Variants in CYB5R4 observed in about 807,000 individuals in gnomAD.
CYB5R4 encodes the protein N-terminal cytochrome b5 and cytochrome b5 oxidoreductase domain-containing protein.
In CYB5R4, 55 loss-of-function variants were observed where a neutral mutation model predicts 70.2. That is an observed-to-expected ratio of 0.78 (90% CI 0.63 to 0.98). The LOEUF (loss-of-function observed/expected upper bound fraction) is 0.98, where lower values mean the gene tolerates loss of function less well. CYB5R4 is among the 50% of genes least tolerant of loss of function. CYB5R4 has a pLI of 0.00. For missense variants in CYB5R4, 562 were observed against 612.6 expected, an observed-to-expected ratio of 0.92 and a Z score of 0.87; for synonymous variants, 197 against 199.5, an observed-to-expected ratio of 0.99 and a Z score of 0.11.
At chr6:83,866,356 G>A (rs1234639472) in intron 2 of CYB5R4, among the ~76,000 whole-genome samples, 1 of 152,032 alleles carries the variant, frequency 6.6e-6, no homozygotes, top group Non-Finnish European at 1.5e-5. Context: ...TTTGAATTTG[G>A]GATTTTTTCA....
At chr6:83,881,178 T>A (rs1562829184) in intron 2 of CYB5R4, among the ~76,000 whole-genome samples, 1 of 149,650 alleles carries the variant, frequency 6.7e-6, no homozygotes, top group East Asian at 2.0e-4. Flanking sequence ...TTTTTCTTTC[T>A]TTTTTTTTTC....
intron 3 of CYB5R4, among the ~76,000 whole-genome samples, chr6:83,907,458 C>T (rs1005322702): frequency 4.7e-5 from 7 of 148,958 alleles, no homozygotes; most frequent in Non-Finnish European, 8.8e-5. Flanking sequence ...TTATAAATGG[C>T]CCTTCATTTT....
chr6:83,860,171 C>G (rs2099455710), intron 1 of CYB5R4, among the ~76,000 whole-genome samples: 1 of 152,124 alleles, frequency 6.6e-6, no homozygotes, highest in South Asian at 2.1e-4. Flanking sequence ...GTATTATAGG[C>G]TCTCGGTATT....
intron 4 of CYB5R4, among the ~76,000 whole-genome samples, chr6:83,911,530 CAAGATAATTGTA>C (rs2099464678): frequency 6.6e-6 from 1 of 152,058 alleles, no homozygotes; most frequent in African/African-American, 2.4e-5. Flanking sequence ...AATGTAGCTA[CAAGATAATTGTA>C]AAACATTCAA....
intron 1 of CYB5R4, 51 bp from the exon 2 acceptor site, chr6:83,864,123 TG>T: frequency 6.9e-7 from 1 of 1,441,760 alleles, no homozygotes; most frequent in East Asian, 2.4e-5. Context: ...TCTTTTAAAA[TG>T]GAATTAAAAG....
intron 6 of CYB5R4, among the ~76,000 whole-genome samples, chr6:83,918,553 G>T (rs1388548299): frequency 6.6e-6 from 1 of 151,692 alleles, no homozygotes; most frequent in African/African-American, 2.4e-5. Flanking sequence ...ATTTTTCTCT[G>T]CATTCCATCA....
chr6:83,894,628 A>G (rs1050176483), intron 3 of CYB5R4, among the ~76,000 whole-genome samples: 2 of 152,200 alleles, frequency 1.3e-5, no homozygotes, highest in Non-Finnish European at 2.9e-5. Flanking sequence ...TTAACTACTA[A>G]CAGCCTACTG....
intron 10 of CYB5R4, among the ~76,000 whole-genome samples, chr6:83,925,567 G>T (rs1425374627): frequency 6.6e-6 from 1 of 152,118 alleles, no homozygotes; most frequent in African/African-American, 2.4e-5. Context: ...AACATATCCT[G>T]TATTTTCTCT....
Position 83,864,284 on chromosome 6 carries a change from T to C in CYB5R4, c.185T>C (p.Leu62Pro). The C allele has an allele frequency of 6.2e-7, 1 of 1,613,212 alleles. No individual in the cohort carries two copies. Among genetic ancestry groups the C allele is most frequent in the Non-Finnish European group, 8.5e-7 (1 of 1,179,572 alleles). The change falls in exon 2 of 16, where the codon CTT becomes CCT. Residue 62 changes from leucine (L) to proline (P), a missense_variant. Leu to Pro is a moderately conservative substitution (Grantham distance 98). Coordinates refer to ENST00000369681, the MANE Select transcript of CYB5R4 (RefSeq NM_016230.4). ...TTAATTGAAGTAACTGAAGAAGAAC[T>C]TAAGAAACACAACAAAAAAGATGAT... The part of the protein sequence containing the change: ...GRLIEVTEEE[L>P]KKHNKKDDCW...
rs1049990860 is a variant in CYB5R4, at chr6:83,920,994, G to C, written c.565-88G>C. 6 of 964,060 alleles carry C rather than the reference G, an allele frequency of 6.2e-6. No homozygotes were observed. In the African/African-American group the frequency reaches 1.0e-4, roughly 17 times the overall value. 59.7% of individuals were successfully genotyped at this position (964,060 alleles called of 1,614,324 possible). A position where few individuals can be genotyped will look rare whatever the true frequency, so the allele number is the denominator to read the frequency against. ...GTTCAATAAAGAAGCACCGTATGAA[G>C]TACCGCAGATCACCTTAAAAGTATA... On this transcript the variant is annotated intron_variant, in intron 7 of 15. Coordinates refer to ENST00000369681, the MANE Select transcript of CYB5R4 (RefSeq NM_016230.4).
At chr6:83,940,932 G>A (rs1464867884) in intron 14 of CYB5R4, among the ~76,000 whole-genome samples, 1 of 152,020 alleles carries the variant, frequency 6.6e-6, no homozygotes, top group Non-Finnish European at 1.5e-5. Flanking sequence ...GTTATACTGG[G>A]GCTGATAAAA....
chr6:83,897,554 C>A (rs2099462112), intron 3 of CYB5R4, among the ~76,000 whole-genome samples: 1 of 152,152 alleles, frequency 6.6e-6, no homozygotes, highest in South Asian at 2.1e-4. Flanking sequence ...CTCTCCAGCA[C>A]CTGTTGTTTC....
rs574712139 is a variant in CYB5R4, at chr6:83,944,681, C to G, written c.1346+4080C>G. Among the ~76,000 whole-genome samples the G allele has an allele frequency of 3.4e-4, 51 of 151,980 alleles. No individual in the cohort carries two copies. In the South Asian group the frequency reaches 0.011, roughly 32 times the overall value. On this transcript the variant is annotated intron_variant, in intron 14 of 15. Coordinates refer to ENST00000369681, the MANE Select transcript of CYB5R4 (RefSeq NM_016230.4). ...TCAAGACCCATCAGTGTGCCGTGTT[C>G]AGGAGACCCATCTCATGTACAAAGA...
chr6:83,956,787 G>A (rs996303861), intron 15 of CYB5R4, among the ~76,000 whole-genome samples: 4 of 152,012 alleles, frequency 2.6e-5, no homozygotes, highest in African/African-American at 7.2e-5. Context: ...TGTTATGCCA[G>A]AGTCAGGTTG....
intron 1 of CYB5R4, among the ~76,000 whole-genome samples, chr6:83,862,327 G>A (rs1336950355): frequency 3.3e-5 from 5 of 152,130 alleles, no homozygotes; most frequent in African/African-American, 1.2e-4. Context: ...CCATATGCTG[G>A]AGTTTTTGGT....
rs549495436 is a variant in CYB5R4, at chr6:83,864,781, C to T, written c.229+453C>T. Among the ~76,000 whole-genome samples, 33 of 152,268 alleles carry T rather than the reference C, an allele frequency of 2.2e-4. No homozygotes were observed. The South Asian group carries it at 6.4e-3, about 30-fold the overall frequency. On this transcript the variant is annotated intron_variant, in intron 2 of 15. Coordinates refer to ENST00000369681, the MANE Select transcript of CYB5R4 (RefSeq NM_016230.4). ...TTTTCACTTGCAGCAATTTTCATTACATGGTATATGTTTCTTAGCAATATT... is the reference window on the plus strand; with the variant it reads ...TTTTCACTTGCAGCAATTTTCATTATATGGTATATGTTTCTTAGCAATATT...
chr6:83,943,590 G>A (rs956950179), intron 14 of CYB5R4, among the ~76,000 whole-genome samples: 2 of 152,042 alleles, frequency 1.3e-5, no homozygotes, highest in African/African-American at 4.8e-5. Flanking sequence ...TCACTAGCAA[G>A]GGAACATAAC....
intron 14 of CYB5R4, among the ~76,000 whole-genome samples, chr6:83,949,454 C>G (rs986196655): frequency 6.6e-6 from 1 of 152,132 alleles, no homozygotes; most frequent in African/African-American, 2.4e-5. Flanking sequence ...TCTTGACCCT[C>G]TCTATATCAC....
intron 1 of CYB5R4, among the ~76,000 whole-genome samples, chr6:83,863,089 A>T (rs1275112658): frequency 1.3e-5 from 2 of 152,228 alleles, no homozygotes; most frequent in Non-Finnish European, 2.9e-5. Context: ...ATATCTTGAA[A>T]ATGTTCTGGT....
Sources: allele counts gnomAD v4.1 joint callset (sites outside exome capture counted in the v4.1 genomes callset), GRCh38; gene constraint gnomAD v4.1.1; transcripts MANE v1.5; gene names NCBI Gene and HGNC (gene_info 2026-07-23, HGNC 2026-07-21).